Variants in RUNX1 observed in about 807,000 individuals in gnomAD.
RUNX1 encodes RUNX family transcription factor 1, also known as runt-related transcription factor 1.
RUNX1 carries 19 observed loss-of-function variants against 42.8 expected under a neutral mutation model. That is an observed-to-expected ratio of 0.44 (90% CI 0.31 to 0.65). The LOEUF (loss-of-function observed/expected upper bound fraction) is 0.65, where lower values mean the gene tolerates loss of function less well. Among genes scored for constraint, RUNX1 ranks in the 30% least tolerant of loss-of-function variants. RUNX1 has a pLI of 0.07. For missense variants in RUNX1, 528 were observed against 672.0 expected (o/e 0.79, Z 2.37); for synonymous variants, 271 against 289.4 (o/e 0.94, Z 0.64).
intron 7 of RUNX1, among the ~76,000 whole-genome samples, chr21:34,828,837 T>A (rs2057025652): frequency 6.6e-6 from 1 of 152,230 alleles, no homozygotes; most frequent in Non-Finnish European, 1.5e-5. Context: ...GGCACCTTGC[T>A]CTTGGACTTC....
At chr21:34,949,747 C>T (rs2146663951) in intron 2 of RUNX1, among the ~76,000 whole-genome samples, 1 of 152,334 alleles carries the variant, frequency 6.6e-6, no homozygotes, top group Admixed American at 6.5e-5. Flanking sequence ...GGAAGGGGGC[C>T]TCCTACTCTC....
rs1220885759 is a variant in RUNX1 at position 34,788,512 on chromosome 21, A to G, written c.*3623T>C. The G allele has an allele frequency of 4.3e-6, 1 of 233,208 alleles. No homozygotes were observed. Among genetic ancestry groups the G allele is most frequent in the East Asian group, 6.1e-5 (1 of 16,432 alleles). 14.4% of individuals were successfully genotyped at this position (233,208 alleles called of 1,614,324 possible). ...TAGAAAGAAGCATTTTTTTCCCTAC[A>G]GTATTTAGCAAACCTAAGAAAAAGT... On this transcript the variant is annotated 3_prime_UTR_variant, in exon 9 of 9. Transcript: ENST00000675419.
At chr21:34,866,412 G>A (rs1379805839) in intron 5 of RUNX1, among the ~76,000 whole-genome samples, 4 of 152,198 alleles carry the variant, frequency 2.6e-5, no homozygotes, top group African/African-American at 9.6e-5. Flanking sequence ...AAGGTTGCAG[G>A]GAGATTTCTC....
intron 3 of RUNX1, 58 bp downstream of exon 3, chr21:34,892,867 A>G: frequency 1.0e-6 from 1 of 968,166 alleles, no homozygotes; most frequent in Admixed American, 1.9e-5. Flanking sequence ...ATAAAATCAT[A>G]TACACATCTA....
chr21:34,980,185 A>G (rs949600611), intron 2 of RUNX1, among the ~76,000 whole-genome samples: 1 of 152,246 alleles, frequency 6.6e-6, no homozygotes, highest in Admixed American at 6.5e-5. Context: ...ACTGAGTCTC[A>G]GTCTCTTCAT....
At chr21:34,807,152 A>G (rs2056691208) in intron 7 of RUNX1, among the ~76,000 whole-genome samples, 2 of 152,140 alleles carry the variant, frequency 1.3e-5, no homozygotes, top group Admixed American at 1.3e-4. Flanking sequence ...AATAATAGAC[A>G]AAATCAATAG....
At chr21:34,945,750 C>T (rs1310713191) in intron 2 of RUNX1, among the ~76,000 whole-genome samples, 1 of 152,184 alleles carries the variant, frequency 6.6e-6, no homozygotes, top group Admixed American at 6.5e-5. Flanking sequence ...TTAAGGCTTT[C>T]TTTGCTCTCT....
intron 2 of RUNX1, among the ~76,000 whole-genome samples, chr21:35,010,339 C>T (rs149162228): frequency 1.5e-3 from 221 of 152,032 alleles, no homozygotes; most frequent in Non-Finnish European, 2.6e-3. Context: ...AATTACACTC[C>T]TTTTTTTAAA....
rs1460893330 is a variant in RUNX1, at chr21:34,887,643, G to C, written c.98-547C>G. The C allele has an allele frequency of 5.6e-6, 6 of 1,079,460 alleles. No homozygotes were observed. The African/African-American group carries it at 6.6e-5, about 12-fold the overall frequency. 66.9% of individuals were successfully genotyped at this position (1,079,460 alleles called of 1,614,324 possible). A position where few individuals can be genotyped will look rare whatever the true frequency, so the allele number is the denominator to read the frequency against. On this transcript the variant is annotated intron_variant, in intron 3 of 8. Transcript: ENST00000675419. Reference sequence around the variant, plus strand: ...ATCATGCAAAACTGGCTTCAGTCCCGAAAAGCAAGAGCTGAGACTTCCAAA... The same window carrying C: ...ATCATGCAAAACTGGCTTCAGTCCCCAAAAGCAAGAGCTGAGACTTCCAAA...
chr21:34,849,033 T>A (rs1000866276), intron 6 of RUNX1, among the ~76,000 whole-genome samples: 3 of 151,246 alleles, frequency 2.0e-5, no homozygotes, highest in Non-Finnish European at 4.4e-5. Context: ...GTATCAAATG[T>A]TCGACATTTC....
At chr21:34,977,182 T>C (rs907297338) in intron 2 of RUNX1, among the ~76,000 whole-genome samples, 7 of 152,246 alleles carry the variant, frequency 4.6e-5, no homozygotes, top group African/African-American at 1.4e-4. Context: ...TTATCCATTT[T>C]GTCTTTAAAA....
At chr21:34,858,925 TTTCCCCAGAC>T in intron 6 of RUNX1, among the ~76,000 whole-genome samples, 1 of 152,200 alleles carries the variant, frequency 6.6e-6, no homozygotes, top group Non-Finnish European at 1.5e-5. Context: ...ATTTACTGGT[TTTCCCCAGAC>T]ATTCTTCTAC....
In RUNX1 at chr21:34,901,625, T is replaced by G. The variant is rs1315247453; in HGVS notation, c.59-8662A>C. Among the ~76,000 whole-genome samples the G allele has an allele frequency of 6.6e-6, 1 of 152,176 alleles. No homozygotes were observed. The highest frequency in any genetic ancestry group is 1.5e-5 in the Non-Finnish European group (1 of 68,024). On this transcript the variant is annotated intron_variant, in intron 2 of 8. Coordinates refer to ENST00000675419, the MANE Select transcript of RUNX1 (RefSeq NM_001754.5). This position sits in a 1 kb window ranked among gnomAD's most constrained non-coding sequence, Gnocchi z 4.3. Reference sequence around the variant, plus strand: ...TGGACCCTGGAAAGGGTGTGAGCCCTTCTCCACATTCTCTTTGGTGTGGGC... The same window carrying G: ...TGGACCCTGGAAAGGGTGTGAGCCCGTCTCCACATTCTCTTTGGTGTGGGC...
At chr21:34,845,170 T>C (rs1476239490) in intron 6 of RUNX1, among the ~76,000 whole-genome samples, 4 of 152,194 alleles carry the variant, frequency 2.6e-5, no homozygotes, top group Non-Finnish European at 5.9e-5. Flanking sequence ...GAGCACAGCA[T>C]GGTGATGAAG....
At chr21:34,948,797 G>A (rs943088445) in intron 2 of RUNX1, among the ~76,000 whole-genome samples, 2 of 152,068 alleles carry the variant, frequency 1.3e-5, no homozygotes, top group African/African-American at 4.8e-5. Context: ...CCAGGCTAGA[G>A]TGCAGTGGCG....
At chr21:34,955,533 T>C (rs2058638068) in intron 2 of RUNX1, among the ~76,000 whole-genome samples, 2 of 152,292 alleles carry the variant, frequency 1.3e-5, no homozygotes, top group East Asian at 1.9e-4. Context: ...GCAGGCACAC[T>C]GAATGTAACC....
intron 2 of RUNX1, among the ~76,000 whole-genome samples, chr21:34,986,109 G>A (rs182499104): frequency 3.0e-4 from 45 of 151,920 alleles, no homozygotes; most frequent in African/African-American, 8.2e-4. Flanking sequence ...TGGGCTCAAG[G>A]GATCCCGCCT....
At chr21:34,992,215 C>T (rs774734756) in intron 2 of RUNX1, among the ~76,000 whole-genome samples, 2 of 152,234 alleles carry the variant, frequency 1.3e-5, no homozygotes, top group Non-Finnish European at 2.9e-5. Context: ...ACAGAGCCAG[C>T]AGGCCTGCTT....
intron 2 of RUNX1, among the ~76,000 whole-genome samples, chr21:34,965,158 GCA>G (rs1359047016): frequency 1.3e-5 from 2 of 150,818 alleles, no homozygotes; most frequent in Admixed American, 6.6e-5. Context: ...CCCACAACAT[GCA>G]CACTCTCACA....
Sources: gnomAD v4.1 joint callset for allele counts (sites outside exome capture counted in the v4.1 genomes callset) on GRCh38, gnomAD v4.1.1 for gene constraint, Gnocchi (gnomAD v3.1) non-coding constraint, MANE v1.5 for transcripts, NCBI Gene and HGNC (gene_info 2026-07-23, HGNC 2026-07-21) for gene names.